Variants in INSRR observed in about 807,000 individuals in gnomAD.
INSRR encodes insulin receptor related receptor.
INSRR carries 114 observed loss-of-function variants against 130.0 expected under a neutral mutation model. The observed-to-expected ratio is 0.88, with a 90% confidence interval of 0.75 to 1.02. The LOEUF is 1.02. Ranked by LOEUF, INSRR falls within the 50% of genes least tolerant of loss-of-function variation. INSRR has a pLI of 0.00. For missense variants in INSRR, 1,657 were observed against 1,735.2 expected (o/e 0.95, Z 0.80); for synonymous variants, 674 against 705.2 (o/e 0.96, Z 0.70).
At chr1:156,843,267 G>A in intron 16 of INSRR, 34 bp from the exon 17 acceptor site, 8 of 1,595,534 alleles carry the variant, frequency 5.0e-6, no homozygotes, top group South Asian at 1.1e-5. Context: ...AAGCGAGGAT[G>A]CTGCTCTCTG....
rs200327846 is a variant in INSRR at position 156,843,152 on chromosome 1, A to G, written c.2978T>C (p.Val993Ala). ...RELGQGSFGM[V>A]YEGLARGLEA... is the part of the protein sequence containing the mutation. ...AAGTCCTCGTGCCAGCCCCTCATAT[A>G]CCATCCCAAAAGAGCCCTGGCCCAG... The change falls in exon 17 of 22, where the codon GTA becomes GCA. Residue 993 changes from valine (V) to alanine (A), a missense_variant. Coordinates refer to ENST00000368195, the MANE Select transcript of INSRR (RefSeq NM_014215.3). 80 of 1,613,968 alleles carry G rather than the reference A, an allele frequency of 5.0e-5. No homozygotes were observed. The Admixed American group carries it at 1.3e-3, about 26-fold the overall frequency.
chr1:156,849,376 G>C lies in INSRR; in HGVS notation c.1314C>G (p.Gly438=). ...WVAAGLTIPV[G]KIYFAFNPRL... ...GCGGGTTGAAGGCGAAGTAGATCTTGCCCACGGGAATGGTGAGCCCCGCGG... is the reference window on the plus strand; with the variant it reads ...GCGGGTTGAAGGCGAAGTAGATCTTCCCCACGGGAATGGTGAGCCCCGCGG... Residue 438 remains glycine, a synonymous_variant, in exon 6 of 22, where the codon GGC becomes GGG. Transcript: ENST00000368195. The C allele has an allele frequency of 1.9e-6, 3 of 1,613,850 alleles. No individual in the cohort carries two copies. Among genetic ancestry groups the C allele is most frequent in the Non-Finnish European group, 2.5e-6 (3 of 1,179,960 alleles).
In INSRR at chr1:156,849,046, G is replaced by T; in HGVS notation, c.1446C>A (p.Cys482Ter). Residue 482 changes from cysteine to a stop codon, truncating the protein, a stop_gained and splice_region_variant, in exon 7 of 22, where the codon TGC becomes TGA. Transcript: ENST00000368195. LOFTEE classifies it high-confidence loss of function. ...NPRTNGDRAA[C>*]QTRTLRFVSN... is the part of the protein sequence containing the mutation. ...ACACGAAGCGCAGGGTGCGAGTCTG[G>T]CCTGGGTGGGGCGAGGGGCCTGCTC... 8 of 1,612,800 alleles carry T rather than the reference G, an allele frequency of 5.0e-6. No individual in the cohort carries two copies. Among genetic ancestry groups the T allele is most frequent in the Non-Finnish European group, 6.8e-6 (8 of 1,179,692 alleles).
intron 1 of INSRR, among the ~76,000 whole-genome samples, chr1:156,857,163 A>ATGTGTGTGTGTGTGTGTGTGTGTG (rs57324546): frequency 1.5e-5 from 2 of 130,536 alleles, no homozygotes; most frequent in South Asian, 2.8e-4. Flanking sequence ...GCAGCTGTGT[A>ATGTGTGTGTGTGTGTGTGTGTGTG]TGTGTGTGTG....
Position 156,851,747 on chromosome 1 carries a change from C to A in INSRR, c.983G>T (p.Cys328Phe). 6.2e-7 allele frequency: 1 copy of A among 1,614,136 alleles called. No individual in the cohort carries two copies. Among genetic ancestry groups the A allele is most frequent in the Non-Finnish European group, 8.5e-7 (1 of 1,179,982 alleles). The change falls in exon 4 of 22, where the codon TGC becomes TTC. Residue 328 changes from cysteine to phenylalanine, a missense_variant. Coordinates refer to ENST00000368195, the MANE Select transcript of INSRR (RefSeq NM_014215.3). ...HKCEGLCPKE[C>F]KVGTKTIDSI... ...GTCGATGGTCTTGGTGCCTACCTTG[C>A]ACTCTTTAGGGCACAGCCCCTCGCA...
At position 156,840,790 on chromosome 1, in the gene INSRR, G is replaced by T. The variant is rs867185775; in HGVS notation, c.*83C>A. 3 of 1,067,472 alleles carry T rather than the reference G, an allele frequency of 2.8e-6. No individual in the cohort carries two copies. Among genetic ancestry groups the T allele is most frequent in the Non-Finnish European group, 4.2e-6 (3 of 709,100 alleles). The allele number at this position is 1,067,472 out of a possible 1,614,324, so 66.1% of individuals were successfully genotyped here. ...TCCCTTGCCCTGAGTTGGGGTGGGG[G>T]TGAACATTCAGGCGTCTCAGCCACA... On this transcript the variant is annotated 3_prime_UTR_variant, in exon 22 of 22. Coordinates refer to ENST00000368195, the MANE Select transcript of INSRR (RefSeq NM_014215.3).
At position 156,854,067 on chromosome 1, in the gene INSRR, G is replaced by A. The variant is rs551984020; in HGVS notation, c.322C>T (p.Arg108Cys). 2.2e-5 allele frequency: 36 copies of A among 1,614,070 alleles called. No individual in the cohort carries two copies. Among genetic ancestry groups the A allele is most frequent in the South Asian group, 8.8e-5 (8 of 91,092 alleles). Residue 108 changes from arginine to cysteine, a missense_variant, in exon 2 of 22, where the codon CGC becomes TGC. By Grantham distance (180) the Arg-to-Cys change is radical. Coordinates refer to ENST00000368195, the MANE Select transcript of INSRR (RefSeq NM_014215.3). This position sits in a 1 kb window ranked among gnomAD's most constrained non-coding sequence, Gnocchi z 4.2. ...FPNLAVIRGTRLFLGYALVIF... is the reference protein window; with the variant it reads ...FPNLAVIRGTCLFLGYALVIF... ...ACCAGTGCATAGCCCAGGAAGAGGCGCGTCCCGCGGATGACTGCTAGGTTG... is the reference window on the plus strand; with the variant it reads ...ACCAGTGCATAGCCCAGGAAGAGGCACGTCCCGCGGATGACTGCTAGGTTG...
chr1:156,857,161 G>A (rs1490687657), intron 1 of INSRR, among the ~76,000 whole-genome samples: 5 of 114,802 alleles, frequency 4.4e-5, no homozygotes, highest in Non-Finnish European at 7.2e-5. Flanking sequence ...CAGCAGCTGT[G>A]TATGTGTGTG....
rs774377193 is a variant in INSRR, at chr1:156,845,375, TG to T, written c.2212del (p.Gln738LysfsTer37). 29 of 1,577,254 alleles carry T rather than the reference TG, an allele frequency of 1.8e-5. No individual in the cohort carries two copies. The highest frequency in any genetic ancestry group is 2.2e-5 in the Non-Finnish European group (26 of 1,160,044). ...CACCTGCCCTAGTCCTGCTCACCTTTGGGGGCTCTTGTTGATGGACGTCACC... is the reference window on the plus strand; with the variant it reads ...CACCTGCCCTAGTCCTGCTCACCTTTGGGGCTCTTGTTGATGGACGTCACC... Reference protein sequence around the residue: ...WKVTSINKSPQRDSGRHRRAA... With the variant: ...WKVTSINKSPXRDSGRHRRAA... On this transcript the variant is annotated frameshift_variant, in exon 11 of 22. Transcript: ENST00000368195. LOFTEE classifies it high-confidence loss of function.
chr1:156,853,707 C>T (rs778192019), intron 2 of INSRR, 45 bp downstream of exon 2: 3 of 1,550,128 alleles, frequency 1.9e-6, no homozygotes, highest in Non-Finnish European at 2.6e-6. Flanking sequence ...CCATGTGACC[C>T]TGCTCTCTCC....
At chr1:156,848,479 G>C (rs1339721670) in intron 7 of INSRR, among the ~76,000 whole-genome samples, 1 of 152,176 alleles carries the variant, frequency 6.6e-6, no homozygotes, top group Admixed American at 6.5e-5. Flanking sequence ...CCAAAGAAAA[G>C]AGCAGCTGTG....
In INSRR at chr1:156,845,821, C is replaced by T; in HGVS notation, c.1979-7G>A. 6.2e-7 allele frequency: 1 copy of T among 1,611,574 alleles called. No individual in the cohort carries two copies. Among genetic ancestry groups the T allele is most frequent in the Non-Finnish European group, 8.5e-7 (1 of 1,179,560 alleles). ...CTGGTGGGCAGCCGCAAGCCTGGCGCCGCAGCGGGAAGACACTAGTAAGAC... is the reference window on the plus strand; with the variant it reads ...CTGGTGGGCAGCCGCAAGCCTGGCGTCGCAGCGGGAAGACACTAGTAAGAC... On this transcript the variant is annotated splice_polypyrimidine_tract_variant and splice_region_variant and intron_variant, in intron 9 of 21. Coordinates refer to ENST00000368195, the MANE Select transcript of INSRR (RefSeq NM_014215.3).
intron 7 of INSRR, among the ~76,000 whole-genome samples, chr1:156,847,331 G>T (rs1245358767): frequency 6.6e-6 from 1 of 152,200 alleles, no homozygotes; most frequent in South Asian, 2.1e-4. Context: ...GAAATTAAGG[G>T]GCCAGAGGCA....
At chr1:156,857,163 ATGTGTGTGTGTGTGTGTGTGTG>A (rs57324546) in intron 1 of INSRR, among the ~76,000 whole-genome samples, 1,328 of 130,642 alleles carry the variant, frequency 0.01, 24 homozygotes, top group African/African-American at 0.034. Context: ...GCAGCTGTGT[ATGTGTGTGTGTGTGTGTGTGTG>A]TGTGTGTGTG....
At chr1:156,848,007 G>A (rs1426415510) in intron 7 of INSRR, among the ~76,000 whole-genome samples, 1 of 152,280 alleles carries the variant, frequency 6.6e-6, no homozygotes, top group African/African-American at 2.4e-5. Context: ...CATCTCCTAG[G>A]AGCTTATTAG....
Position 156,858,750 on chromosome 1 carries a change from C to A in INSRR, c.-129G>T. 2 of 730,170 alleles carry A rather than the reference C, an allele frequency of 2.7e-6. No homozygotes were observed. Among genetic ancestry groups the A allele is most frequent in the South Asian group, 1.5e-5 (1 of 66,408 alleles). The allele number at this position is 730,170 out of a possible 1,614,324, so 45.2% of individuals were successfully genotyped here. ...GAGAGGGAGGGCAGGGGCAGAGAGA[C>A]AAGGAATCCCACACAGAGACAGCAG... On this transcript the variant is annotated 5_prime_UTR_variant, in exon 1 of 22. Transcript: ENST00000368195.
intron 1 of INSRR, among the ~76,000 whole-genome samples, chr1:156,856,021 T>C (rs1288954157): frequency 6.6e-6 from 1 of 151,860 alleles, no homozygotes; most frequent in Non-Finnish European, 1.5e-5. Context: ...GTTTGCTGCA[T>C]ACTTGAACTC....
At position 156,840,429 on chromosome 1, in the gene INSRR, G is replaced by GCCCCCCCCCC; in HGVS notation, c.*443_*444insGGGGGGGGGG. ...GTGGCAAGCAAGGCAGTCATGTGGA[G>GCCCCCCCCCC]CCCCACCCCCCTCCCATACATGCAT... On this transcript the variant is annotated 3_prime_UTR_variant, in exon 22 of 22. Coordinates refer to ENST00000368195, the MANE Select transcript of INSRR (RefSeq NM_014215.3). The GCCCCCCCCCC allele has an allele frequency of 6.3e-6, 1 of 158,438 alleles. No homozygotes were observed. Among genetic ancestry groups the GCCCCCCCCCC allele is most frequent in the Non-Finnish European group, 1.4e-5 (1 of 72,714 alleles). The allele number at this position is 158,438 out of a possible 1,614,324, so 9.8% of individuals were successfully genotyped here. A position where few individuals can be genotyped will look rare whatever the true frequency, so the allele number is the denominator to read the frequency against.
Position 156,853,970 on chromosome 1 carries a change from C to A in INSRR, c.419G>T (p.Arg140Leu). 6.2e-7 allele frequency: 1 copy of A among 1,613,010 alleles called. No homozygotes were observed. ...GCAGAGCTCCTGGTTCTTCTCCACA[C>A]GCACAGCCCCACGCAGCACGGCCCC... ...ALGAVLRGAV[R>L]VEKNQELCHL... The change falls in exon 2 of 22, where the codon CGT (arginine) becomes CTT (leucine). Residue 140 changes from arginine (R) to leucine (L), a missense_variant. By Grantham distance (102) the Arg-to-Leu change is moderately radical. Coordinates refer to ENST00000368195, the MANE Select transcript of INSRR (RefSeq NM_014215.3).
Sources: allele counts gnomAD v4.1 joint callset (sites outside exome capture counted in the v4.1 genomes callset), GRCh38; gene constraint gnomAD v4.1.1; non-coding constraint Gnocchi (gnomAD v3.1); transcripts MANE v1.5; gene names NCBI Gene and HGNC (gene_info 2026-07-23, HGNC 2026-07-21).